The following SHISAL1 variants were observed in gnomAD, a reference collection of about 807,000 sequenced individuals.
The protein encoded by SHISAL1 is protein shisa-like-1.
Under a neutral mutation model 22.6 loss-of-function variants are expected in SHISAL1, and 9 were observed. The observed-to-expected ratio is 0.40, with a 90% CI of 0.24 to 0.70. The LOEUF (loss-of-function observed/expected upper bound fraction) is 0.70. SHISAL1 is among the 30% of genes least tolerant of loss of function. The probability of loss-of-function intolerance (pLI) is 0.39; values close to 1 mark genes in which losing one functional copy is unlikely to be tolerated. For missense variants in SHISAL1, 246 were observed against 270.6 expected, an observed-to-expected ratio of 0.91 and a Z score of 0.64; for synonymous variants, 119 against 115.4, an observed-to-expected ratio of 1.03 and a Z score of -0.20.
At chr22:44,263,775 C>T (rs2055142946) in intron 4 of SHISAL1, among the ~76,000 whole-genome samples, 1 of 152,202 alleles carries the variant, frequency 6.6e-6, no homozygotes, top group African/African-American at 2.4e-5. Context: ...AGACTCACCC[C>T]CGTGGCCTCC....
the SHISAL1 span, among the ~76,000 whole-genome samples, chr22:44,328,579 G>A: frequency 6.6e-6 from 1 of 152,034 alleles, no homozygotes; most frequent in Non-Finnish European, 1.5e-5. Flanking sequence ...CGCCCCAGAA[G>A]CCAAGGGCCT....
rs575935191 is a variant in SHISAL1, at chr22:44,245,091, C to G, written c.*4594G>C. The G allele has an allele frequency of 3.9e-5, 6 of 152,368 alleles. No homozygotes were observed. In the East Asian group the frequency reaches 9.7e-4, roughly 25 times the overall value. The allele number at this position is 152,368 out of a possible 1,614,324, so 9.4% of individuals were successfully genotyped here. A position where few individuals can be genotyped will look rare whatever the true frequency, so the allele number is the denominator to read the frequency against. On this transcript the variant is annotated 3_prime_UTR_variant, in exon 5 of 5. Coordinates refer to ENST00000381176, the MANE Select transcript of SHISAL1 (RefSeq NM_001099294.2). ...AGGGCGTCATCCACTCATGGCCTCT[C>G]TGACTGTCCCAGTGCTGTGGGGGCC... is the stretch of plus-strand genomic sequence containing the variant.
intron 4 of SHISAL1, among the ~76,000 whole-genome samples, chr22:44,253,489 T>C (rs1460548528): frequency 2.0e-5 from 3 of 149,608 alleles, no homozygotes; most frequent in Admixed American, 1.4e-4. Flanking sequence ...AGTGCAATGG[T>C]ATGATCTCAG....
intron 1 of SHISAL1, among the ~76,000 whole-genome samples, chr22:44,312,388 G>A (rs2147313098): frequency 6.6e-6 from 1 of 152,194 alleles, no homozygotes; most frequent in South Asian, 2.1e-4. Context: ...CCTCCCCCGA[G>A]CCTTTGGCCT....
At position 44,285,457 on chromosome 22, in the gene SHISAL1, C is replaced by T. The variant is rs768639905; in HGVS notation, c.570G>A (p.Pro190=). 15 of 1,614,050 alleles carry T rather than the reference C, an allele frequency of 9.3e-6. No homozygotes were observed. Among genetic ancestry groups the T allele is most frequent in the Admixed American group, 1.7e-5 (1 of 60,020 alleles). Reference sequence around the variant, plus strand: ...CAGACGAACTCTGGAAGGTCATCAGCGGTGGGCTGTGAGCATCTCCCCGCA... The same window carrying T: ...CAGACGAACTCTGGAAGGTCATCAGTGGTGGGCTGTGAGCATCTCCCCGCA... ...HTLRGDAHSP[P]LMTFQSSSA Residue 190 remains proline, a synonymous_variant, in exon 4 of 5, where the codon CCG becomes CCA. Coordinates refer to ENST00000381176, the MANE Select transcript of SHISAL1 (RefSeq NM_001099294.2).
rs528264323 is a variant in SHISAL1, at chr22:44,247,112, G to A, written c.*2573C>T. On this transcript the variant is annotated 3_prime_UTR_variant, in exon 5 of 5. Transcript: ENST00000381176. ...AGCTGTCTATTTGGCAGTGACCTTT[G>A]ACCCCAGGTGTCCAGGAGAGGGAGG... The A allele has an allele frequency of 1.3e-5, 2 of 152,568 alleles. No individual in the cohort carries two copies. The highest frequency in any genetic ancestry group is 2.9e-5 in the Non-Finnish European group (2 of 68,356). 9.5% of individuals were successfully genotyped at this position (152,568 alleles called of 1,614,324 possible). A position where few individuals can be genotyped will look rare whatever the true frequency, so the allele number is the denominator to read the frequency against.
rs1021699865 is a variant in SHISAL1 at position 44,249,453 on chromosome 22, C to T, written c.*232G>A. The T allele has an allele frequency of 6.5e-5, 32 of 492,080 alleles. No homozygotes were observed. The highest frequency in any genetic ancestry group is 1.4e-4 in the Admixed American group (4 of 27,838). 30.5% of individuals were successfully genotyped at this position (492,080 alleles called of 1,614,324 possible). A position where few individuals can be genotyped will look rare whatever the true frequency, so the allele number is the denominator to read the frequency against. On this transcript the variant is annotated 3_prime_UTR_variant, in exon 5 of 5. Coordinates refer to ENST00000381176, the MANE Select transcript of SHISAL1 (RefSeq NM_001099294.2). ...CAGCCCAAAATAGGACTATTGCTTGCGGACAGGTGGCTCAGAATCCCCTCC... is the reference window on the plus strand; with the variant it reads ...CAGCCCAAAATAGGACTATTGCTTGTGGACAGGTGGCTCAGAATCCCCTCC...
At chr22:44,301,922 G>A (rs966518228) in intron 1 of SHISAL1, among the ~76,000 whole-genome samples, 1 of 152,140 alleles carries the variant, frequency 6.6e-6, no homozygotes, top group Admixed American at 6.5e-5. Context: ...GGAGGGGGAT[G>A]GGGAGTGAAT....
At chr22:44,263,071 CTTT>C (rs2055136345) in intron 4 of SHISAL1, among the ~76,000 whole-genome samples, 1 of 70,702 alleles carries the variant, frequency 1.4e-5, no homozygotes, top group South Asian at 5.5e-4. Context: ...GTATTTTTTT[CTTT>C]CTTTCTTTTT....
At chr22:44,311,128 AC>A (rs1218709093) in intron 1 of SHISAL1, among the ~76,000 whole-genome samples, 2 of 151,526 alleles carry the variant, frequency 1.3e-5, no homozygotes, top group African/African-American at 4.9e-5. Context: ...TAGCCTAGAA[AC>A]CCAACTCCAG....
chr22:44,282,211 C>A (rs764202974), intron 4 of SHISAL1, among the ~76,000 whole-genome samples: 65 of 152,342 alleles, frequency 4.3e-4, no homozygotes, highest in Admixed American at 1.4e-3. Flanking sequence ...CCAGCAGTCG[C>A]CCAGCTTACT....
chr22:44,257,918 G>C (rs1240056220), intron 4 of SHISAL1, among the ~76,000 whole-genome samples: 1 of 152,180 alleles, frequency 6.6e-6, no homozygotes, highest in Non-Finnish European at 1.5e-5. Context: ...GAGGTGGGCG[G>C]ATCACCAGGT....
At chr22:44,330,489 G>C in the SHISAL1 span, among the ~76,000 whole-genome samples, 1 of 152,156 alleles carries the variant, frequency 6.6e-6, no homozygotes, top group Non-Finnish European at 1.5e-5. Context: ...CTCTCCCGCA[G>C]ATTACATAAC....
chr22:44,249,502 T>C lies in SHISAL1; in HGVS notation c.*183A>G. 6 of 365,542 alleles carry C rather than the reference T, an allele frequency of 1.6e-5. No individual in the cohort carries two copies. The highest frequency in any genetic ancestry group is 2.2e-5 in the Non-Finnish European group (4 of 180,472). 22.6% of individuals were successfully genotyped at this position (365,542 alleles called of 1,614,324 possible). On this transcript the variant is annotated 3_prime_UTR_variant, in exon 5 of 5. Transcript: ENST00000381176. ...CCCCTGCACCCCCAGCCCCTACCCC[T>C]GAGTTTGCTCCTAATCTTAGAAGTC... is the stretch of plus-strand genomic sequence containing the variant.
At chr22:44,293,267 T>C (rs1210501495) in intron 3 of SHISAL1, among the ~76,000 whole-genome samples, 1 of 152,134 alleles carries the variant, frequency 6.6e-6, no homozygotes, top group Admixed American at 6.5e-5. Flanking sequence ...GTGGGCTCCA[T>C]ACTCACAGCT....
At chr22:44,277,095 T>C (rs1168504183) in intron 4 of SHISAL1, among the ~76,000 whole-genome samples, 1 of 152,212 alleles carries the variant, frequency 6.6e-6, no homozygotes, top group Admixed American at 6.5e-5. Context: ...TTCTTTGTGT[T>C]AGCTGCTCCT....
intron 4 of SHISAL1, among the ~76,000 whole-genome samples, chr22:44,278,708 G>T (rs1209168774): frequency 1.3e-5 from 2 of 152,158 alleles, no homozygotes; most frequent in African/African-American, 2.4e-5. Context: ...AAACTCTGCA[G>T]CTGTCACAGG....
In SHISAL1 at chr22:44,244,803, CGAAT is replaced by C. The variant is rs2054984666; in HGVS notation, c.*4878_*4881del. On this transcript the variant is annotated 3_prime_UTR_variant, in exon 5 of 5. Transcript: ENST00000381176. ...AATAGGTGAGGGAAGCGCGTGTCAT[CGAAT>C]GAGTTTTCTAGGAGGCTCCTCACCT... 1 of 152,132 alleles carries C rather than the reference CGAAT, an allele frequency of 6.6e-6. No individual in the cohort carries two copies. The highest frequency in any genetic ancestry group is 1.5e-5 in the Non-Finnish European group (1 of 68,024). 9.4% of individuals were successfully genotyped at this position (152,132 alleles called of 1,614,324 possible).
chr22:44,300,787 C>T (rs570489533), intron 2 of SHISAL1, 92 bp downstream of exon 2: 27 of 1,067,838 alleles, frequency 2.5e-5, no homozygotes, highest in Non-Finnish European at 3.6e-5. Context: ...CCTCTGTGTG[C>T]CCCCAGAACC....
Sources: gnomAD v4.1 joint callset for allele counts (sites outside exome capture counted in the v4.1 genomes callset) on GRCh38, gnomAD v4.1.1 for gene constraint, MANE v1.5 for transcripts, NCBI Gene and HGNC (gene_info 2026-07-23, HGNC 2026-07-21) for gene names.